Variants in DPYSL3 observed in about 807,000 individuals in gnomAD.
DPYSL3 encodes the protein dihydropyrimidinase like 3, also known as dihydropyrimidinase-related protein 3.
Under a neutral mutation model 66.1 loss-of-function variants are expected in DPYSL3, and 16 were observed. The ratio of observed to expected loss-of-function variants is 0.24; its 90% confidence interval spans 0.16 to 0.37. DPYSL3 has a LOEUF of 0.37. Among genes scored for constraint, DPYSL3 ranks in the 10% least tolerant of loss-of-function variants. DPYSL3 has a pLI of 1.00. For synonymous variants in DPYSL3, 338 were observed against 345.1 expected (o/e 0.98, Z 0.23); for missense variants, 738 against 916.2 (o/e 0.81, Z 2.51).
chr5:147,488,861 A>C (rs924086103), intron 1 of DPYSL3, among the ~76,000 whole-genome samples: 1 of 152,000 alleles, frequency 6.6e-6, no homozygotes, highest in Non-Finnish European at 1.5e-5. Context: ...CTAAAAATAC[A>C]AAAATTAGCC....
chr5:147,402,437 T>G (rs1758216373), intron 8 of DPYSL3, among the ~76,000 whole-genome samples: 1 of 145,522 alleles, frequency 6.9e-6, no homozygotes, highest in African/African-American at 2.7e-5. Context: ...AAGCTCCGCC[T>G]CCCGGGTTCA....
intron 1 of DPYSL3, among the ~76,000 whole-genome samples, chr5:147,483,992 A>G (rs2126439051): frequency 6.6e-6 from 1 of 152,262 alleles, no homozygotes; most frequent in Non-Finnish European, 1.5e-5. Context: ...TGAACACACA[A>G]GAGTTGACCA....
At chr5:147,428,798 C>T (rs377525359) in intron 1 of DPYSL3, among the ~76,000 whole-genome samples, 4 of 151,950 alleles carry the variant, frequency 2.6e-5, no homozygotes, top group Admixed American at 6.6e-5. Context: ...GGGCCCGTCA[C>T]GGTGGGTGGG....
intron 2 of DPYSL3, among the ~76,000 whole-genome samples, chr5:147,421,889 G>A (rs1021587325): frequency 1.1e-4 from 17 of 152,040 alleles, no homozygotes; most frequent in Non-Finnish European, 1.8e-4. Context: ...AATGTAAGAC[G>A]TAAAACCATA....
chr5:147,461,695 C>A (rs1477213350), intron 1 of DPYSL3, among the ~76,000 whole-genome samples: 17 of 152,154 alleles, frequency 1.1e-4, no homozygotes, highest in Admixed American at 1.1e-3. Flanking sequence ...ATCAACATAG[C>A]TTCTCTGTTA....
Position 147,415,851 on chromosome 5 carries a change from A to T in DPYSL3, c.678T>A (p.Pro226=), listed in dbSNP as rs771694171. The T allele has an allele frequency of 6.2e-7, 1 of 1,613,986 alleles. No individual in the cohort carries two copies. The highest frequency in any genetic ancestry group is 8.5e-7 in the Non-Finnish European group (1 of 1,179,952). ...CATAGGCCTCAGTCAGGCTGGACTC[A>T]GGCTCAGGCACCACATGGTCAACTG... The part of the protein sequence containing the change: ...TMIIDHVVPE[P]ESSLTEAYEK... The change falls in exon 4 of 14, where the codon CCT becomes CCA. Residue 226 remains proline, a synonymous_variant. Transcript: ENST00000343218.
chr5:147,428,758 T>C (rs1282968618), intron 1 of DPYSL3, among the ~76,000 whole-genome samples: 4 of 134,818 alleles, frequency 3.0e-5, no homozygotes, highest in Non-Finnish European at 4.4e-5. Flanking sequence ...TGAGAACACA[T>C]GGACACAGGG....
At chr5:147,443,707 A>C (rs1752576872) in intron 1 of DPYSL3, among the ~76,000 whole-genome samples, 1 of 152,132 alleles carries the variant, frequency 6.6e-6, no homozygotes, top group Admixed American at 6.5e-5. Context: ...TACTTAAGAT[A>C]TATTTAAGAG....
At chr5:147,493,118 A>G (rs1753440960) in intron 1 of DPYSL3, among the ~76,000 whole-genome samples, 1 of 152,210 alleles carries the variant, frequency 6.6e-6, no homozygotes, top group Non-Finnish European at 1.5e-5. Context: ...ATAATGATAA[A>G]GGGGTAATCA....
intron 1 of DPYSL3, among the ~76,000 whole-genome samples, chr5:147,503,700 G>C (rs376524878): frequency 2.0e-5 from 3 of 152,182 alleles, no homozygotes; most frequent in African/African-American, 7.2e-5. Flanking sequence ...AAAAATTTTC[G>C]TTTAAAGATG....
At chr5:147,401,476 A>G in intron 9 of DPYSL3, 64 bp downstream of exon 9, 2 of 1,518,066 alleles carry the variant, frequency 1.3e-6, no homozygotes, top group South Asian at 1.3e-5. Context: ...CCTGTCCTCA[A>G]CCCCCAGCTG....
At chr5:147,480,366 C>T (rs1413687890) in intron 1 of DPYSL3, among the ~76,000 whole-genome samples, 2 of 152,144 alleles carry the variant, frequency 1.3e-5, no homozygotes, top group African/African-American at 2.4e-5. Flanking sequence ...TGGGTGGTTG[C>T]CACTTCCTCT....
chr5:147,461,174 CT>C (rs1425639196), intron 1 of DPYSL3, among the ~76,000 whole-genome samples: 2 of 152,098 alleles, frequency 1.3e-5, no homozygotes, highest in African/African-American at 4.8e-5. Flanking sequence ...ACCATTTTCC[CT>C]TTTGTTACCA....
intron 8 of DPYSL3, 81 bp from the exon 9 acceptor site, chr5:147,401,777 A>G (rs932378322): frequency 6.5e-7 from 1 of 1,545,468 alleles, no homozygotes; most frequent in African/African-American, 1.4e-5. Flanking sequence ...TTAGCTCCTA[A>G]GCCTACCCAG....
chr5:147,449,785 G>C (rs1225414076), intron 1 of DPYSL3, among the ~76,000 whole-genome samples: 2 of 152,218 alleles, frequency 1.3e-5, no homozygotes, highest in Non-Finnish European at 2.9e-5. Flanking sequence ...TAAGTATTAG[G>C]ACCTGGCCCA....
intron 1 of DPYSL3, among the ~76,000 whole-genome samples, chr5:147,450,592 G>A (rs1469830507): frequency 6.6e-6 from 1 of 152,030 alleles, no homozygotes; most frequent in Non-Finnish European, 1.5e-5. Flanking sequence ...AACTCCAACA[G>A]GGACACAGAA....
chr5:147,505,279 G>A (rs1753671420), intron 1 of DPYSL3, among the ~76,000 whole-genome samples: 1 of 150,890 alleles, frequency 6.6e-6, no homozygotes. Context: ...GTGTTGCCCA[G>A]GCTGGAGTGC....
chr5:147,494,693 G>A (rs1361060353), intron 1 of DPYSL3, among the ~76,000 whole-genome samples: 37 of 130,724 alleles, frequency 2.8e-4, no homozygotes, highest in Admixed American at 1.7e-3. Flanking sequence ...GTGAAACCCC[G>A]TCTCTACGAA....
rs76357636 is a variant in DPYSL3 at position 147,451,472 on chromosome 5, G to A, written c.382-26509C>T. ...CACTGCAAATCTGGTCCTGGGATTG[G>A]GGCACAACCACATTTACTGGAGCTC... On this transcript the variant is annotated intron_variant, in intron 1 of 13. Transcript: ENST00000343218. 0.011 allele frequency among the ~76,000 whole-genome samples: 1,690 copies of A among 152,250 alleles called. 65 individuals carry two copies. In the East Asian group the frequency reaches 0.12, roughly 11 times the overall value.
Sources: gnomAD v4.1 joint callset for allele counts (sites outside exome capture counted in the v4.1 genomes callset) on GRCh38, gnomAD v4.1.1 for gene constraint, MANE v1.5 for transcripts, NCBI Gene and HGNC (gene_info 2026-07-23, HGNC 2026-07-21) for gene names.